Variants in NAALADL2 observed in about 807,000 individuals in gnomAD.
NAALADL2 encodes inactive N-acetylated-alpha-linked acidic dipeptidase-like protein 2.
Under a neutral mutation model 87.2 loss-of-function variants are expected in NAALADL2, and 76 were observed. The observed-to-expected ratio is 0.87, with a 90% CI of 0.72 to 1.05. NAALADL2 has a LOEUF of 1.05. NAALADL2 is among the 50% of genes least tolerant of loss of function. The pLI is 0.00. For synonymous variants in NAALADL2, 354 were observed against 331.0 expected (o/e 1.07, Z -0.75); for missense variants, 1,089 against 945.8 (o/e 1.15, Z -1.99).
At chr3:174,830,663 T>G (rs1178335643) in intron 3 of NAALADL2, among the ~76,000 whole-genome samples, 1 of 152,200 alleles carries the variant, frequency 6.6e-6, no homozygotes, top group Non-Finnish European at 1.5e-5. Context: ...GGTAGCTTGA[T>G]GGGGATGGCA....
chr3:174,648,834 G>A (rs575778089), intron 2 of NAALADL2, among the ~76,000 whole-genome samples: 1 of 152,096 alleles, frequency 6.6e-6, no homozygotes, highest in East Asian at 1.9e-4. Flanking sequence ...TTGCATGCCT[G>A]TATCTGTAGA....
chr3:174,561,152 G>A (rs558086495), intron 2 of NAALADL2, among the ~76,000 whole-genome samples: 1 of 151,574 alleles, frequency 6.6e-6, no homozygotes, highest in African/African-American at 2.4e-5. Flanking sequence ...ATTACTAAGA[G>A]GAAATATGGA....
rs1311325384 is a variant in NAALADL2 at position 174,508,114 on chromosome 3, G to GTT, written c.-183-42439_-183-42438dup. 1.0e-3 allele frequency among the ~76,000 whole-genome samples: 109 copies of GTT among 103,896 alleles called. 3 individuals carry two copies. The highest frequency in any genetic ancestry group is 6.3e-3 in the Middle Eastern group (1 of 160). The allele number at this position is 103,896 out of a possible 152,430, so 68.2% of individuals were successfully genotyped here. A position where few individuals can be genotyped will look rare whatever the true frequency, so the allele number is the denominator to read the frequency against. The stretch of plus-strand genomic sequence containing the variant: ...AATTTTAGCTATTGGATATCTAGTG[G>GTT]TTTTTTTTTTTTTTTTTGAGACGAA... On this transcript the variant is annotated intron_variant, in intron 1 of 3. Coordinates refer to the NAALADL2 transcript ENST00000434257.
chr3:174,913,477 G>A (rs891268270), intron 1 of NAALADL2, among the ~76,000 whole-genome samples: 1 of 152,110 alleles, frequency 6.6e-6, no homozygotes, highest in African/African-American at 2.4e-5. Context: ...TGATTAATGA[G>A]TAACATGCAT....
At chr3:175,799,560 A>AT (rs1253483298) in intron 13 of NAALADL2, among the ~76,000 whole-genome samples, 2 of 152,148 alleles carry the variant, frequency 1.3e-5, no homozygotes, top group African/African-American at 4.8e-5. Context: ...TGAAAAAACT[A>AT]ACTTTTGTAT....
intron 9 of NAALADL2, among the ~76,000 whole-genome samples, chr3:175,507,192 C>G (rs748599618): frequency 9.2e-5 from 14 of 151,916 alleles, no homozygotes; most frequent in Non-Finnish European, 1.5e-4. Flanking sequence ...GTTTCATCCT[C>G]TCTTCTTCTC....
intron 2 of NAALADL2, among the ~76,000 whole-genome samples, chr3:174,610,034 G>T (rs1311936978): frequency 6.6e-6 from 1 of 151,978 alleles, no homozygotes; most frequent in African/African-American, 2.4e-5. Flanking sequence ...TCTGATCTTT[G>T]ACAAACCTGA....
intron 2 of NAALADL2, among the ~76,000 whole-genome samples, chr3:174,705,414 C>T (rs1045697528): frequency 4.6e-5 from 7 of 152,246 alleles, no homozygotes; most frequent in African/African-American, 1.7e-4. Flanking sequence ...TATCTCAGTC[C>T]ATGCATATAA....
At position 175,226,660 on chromosome 3, in the gene NAALADL2, T is replaced by C. The variant is rs572585431; in HGVS notation, c.546-7271T>C. Reference sequence around the variant, plus strand: ...AGTTTTTTGTGATGATTAAGCATAATAGTAGACATTTAATATAAAATTTGT... The same window carrying C: ...AGTTTTTTGTGATGATTAAGCATAACAGTAGACATTTAATATAAAATTTGT... On this transcript the variant is annotated intron_variant, in intron 2 of 13. Coordinates refer to ENST00000454872, the MANE Select transcript of NAALADL2 (RefSeq NM_207015.3). 2.6e-5 allele frequency among the ~76,000 whole-genome samples: 4 copies of C among 152,244 alleles called. No individual in the cohort carries two copies. The East Asian group carries it at 5.8e-4, about 22-fold the overall frequency.
chr3:175,361,481 C>T lies in NAALADL2; in HGVS notation c.1090+37156C>T, dbSNP rs1765003084. ...TGGTTGAACTAGTTTACAGTCCCAC[C>T]AACAGTGTAAAAGTGTTCCTATTTC... On this transcript the variant is annotated intron_variant, in intron 5 of 13. Coordinates refer to ENST00000454872, the MANE Select transcript of NAALADL2 (RefSeq NM_207015.3). 1.4e-5 allele frequency among the ~76,000 whole-genome samples: 2 copies of T among 148,066 alleles called. 1 individual carries two copies. The highest frequency in any genetic ancestry group is 3.0e-5 in the Non-Finnish European group (2 of 66,520).
intron 1 of NAALADL2, among the ~76,000 whole-genome samples, chr3:174,484,896 C>G (rs550021348): frequency 1.3e-5 from 2 of 151,478 alleles, no homozygotes; most frequent in Non-Finnish European, 2.9e-5. Context: ...TATGGTATAG[C>G]TCCTATAGGC....
At chr3:174,955,391 A>G (rs1405103062) in intron 1 of NAALADL2, among the ~76,000 whole-genome samples, 1 of 152,156 alleles carries the variant, frequency 6.6e-6, no homozygotes, top group Non-Finnish European at 1.5e-5. Context: ...GTTTTAAAAC[A>G]ACAAATACCT....
intron 11 of NAALADL2, among the ~76,000 whole-genome samples, chr3:175,713,410 GT>G (rs1740799505): frequency 6.6e-6 from 1 of 151,980 alleles, no homozygotes; most frequent in African/African-American, 2.4e-5. Context: ...ATACATTTTT[GT>G]TACTTAGAAA....
At chr3:175,643,687 G>A (rs560723970) in intron 11 of NAALADL2, among the ~76,000 whole-genome samples, 13 of 152,270 alleles carry the variant, frequency 8.5e-5, no homozygotes, top group Admixed American at 7.8e-4. Flanking sequence ...ATGGTGAAGG[G>A]AGGATTGTTT....
rs1244182572 is a variant in NAALADL2, at chr3:175,807,721, AATAT to A, written c.*4525_*4528del. The A allele has an allele frequency of 6.6e-6, 1 of 151,900 alleles. No individual in the cohort carries two copies. Among genetic ancestry groups the A allele is most frequent in the Admixed American group, 6.6e-5 (1 of 15,188 alleles). The allele number at this position is 151,900 out of a possible 1,614,324, so 9.4% of individuals were successfully genotyped here. On this transcript the variant is annotated 3_prime_UTR_variant, in exon 14 of 14. Transcript: ENST00000454872. ...AAAACAAACAAACAATATTTGAGAA[AATAT>A]ATATATTCTGCCCAGCCACACTGGT... is the stretch of plus-strand genomic sequence containing the variant.
intron 2 of NAALADL2, among the ~76,000 whole-genome samples, chr3:175,141,571 A>G (rs1273684893): frequency 6.6e-6 from 1 of 152,088 alleles, no homozygotes; most frequent in African/African-American, 2.4e-5. Flanking sequence ...AAAAAGTTGT[A>G]AATATATATT....
intron 11 of NAALADL2, among the ~76,000 whole-genome samples, chr3:175,669,522 T>A (rs1733649873): frequency 6.6e-6 from 1 of 152,088 alleles, no homozygotes; most frequent in South Asian, 2.1e-4. Context: ...TTCTTATACC[T>A]GGTATATAAA....
intron 1 of NAALADL2, among the ~76,000 whole-genome samples, chr3:175,044,981 TAGG>T (rs1754501132): frequency 6.6e-6 from 1 of 151,978 alleles, no homozygotes; most frequent in Admixed American, 6.6e-5. Context: ...TTACACATAA[TAGG>T]ATGATATTTC....
rs534792580 is a variant in NAALADL2 at position 175,110,214 on chromosome 3, G to C, written c.545+12923G>C. Reference sequence around the variant, plus strand: ...AAAAGAAGCAAGTTAAGGATGATACGTTAATCCTGGATTCTTGATTTCTTC... The same window carrying C: ...AAAAGAAGCAAGTTAAGGATGATACCTTAATCCTGGATTCTTGATTTCTTC... On this transcript the variant is annotated intron_variant, in intron 2 of 13. Transcript: ENST00000454872. Among the ~76,000 whole-genome samples, 5 of 151,862 alleles carry C rather than the reference G, an allele frequency of 3.3e-5. No individual in the cohort carries two copies. In the East Asian group the frequency reaches 9.7e-4, roughly 29 times the overall value.
Sources: gnomAD v4.1 joint callset for allele counts (sites outside exome capture counted in the v4.1 genomes callset) on GRCh38, gnomAD v4.1.1 for gene constraint, MANE v1.5 for transcripts, NCBI Gene and HGNC (gene_info 2026-07-23, HGNC 2026-07-21) for gene names.